The following UNC13C variants were observed in gnomAD, a reference collection of about 807,000 sequenced individuals.
UNC13C encodes unc-13 homolog C, also known as protein unc-13 homolog C.
Under a neutral mutation model 245.4 loss-of-function variants are expected in UNC13C, and 174 were observed. The ratio of observed to expected loss-of-function variants is 0.71; its 90% CI spans 0.63 to 0.80. The LOEUF is 0.80. Ranked by LOEUF, UNC13C falls within the 30% of genes least tolerant of loss-of-function variation. The pLI, the probability that UNC13C is intolerant of heterozygous loss-of-function variation, is 0.00. For missense variants in UNC13C, 2,829 were observed against 2,602.9 expected (o/e 1.09, Z -1.89); for synonymous variants, 992 against 895.1 (o/e 1.11, Z -1.93).
chr15:54,201,045 C>T (rs1213391672), intron 4 of UNC13C, among the ~76,000 whole-genome samples: 1 of 151,830 alleles, frequency 6.6e-6, no homozygotes, highest in East Asian at 1.9e-4. Context: ...CCTTTATGCA[C>T]ATAAACTAGA....
intron 19 of UNC13C, among the ~76,000 whole-genome samples, chr15:54,454,956 T>C (rs1438821803): frequency 6.6e-6 from 1 of 151,664 alleles, no homozygotes; most frequent in Non-Finnish European, 1.5e-5. Flanking sequence ...TAGTCTTTTA[T>C]CCCTTACCAC....
chr15:54,343,413 G>T (rs145646311), intron 17 of UNC13C, among the ~76,000 whole-genome samples: 17 of 151,892 alleles, frequency 1.1e-4, no homozygotes, highest in Non-Finnish European at 2.4e-4. Flanking sequence ...GATTACAGGC[G>T]TGAGCCACCG....
intron 19 of UNC13C, among the ~76,000 whole-genome samples, chr15:54,418,504 C>G (rs2040567404): frequency 1.3e-5 from 2 of 152,232 alleles, no homozygotes; most frequent in Admixed American, 1.3e-4. Flanking sequence ...CCTGTCTGCC[C>G]TGCCCCTTCT....
At chr15:54,598,384 C>T (rs534652518) in intron 30 of UNC13C, among the ~76,000 whole-genome samples, 40 of 152,320 alleles carry the variant, frequency 2.6e-4, no homozygotes, top group African/African-American at 8.4e-4. Flanking sequence ...CATGAGCCAC[C>T]GCGCCCAGCC....
intron 24 of UNC13C, among the ~76,000 whole-genome samples, chr15:54,524,994 C>T (rs143593962): frequency 2.1e-4 from 32 of 152,208 alleles, no homozygotes; most frequent in Admixed American, 3.3e-4. Context: ...TCAGGACTAT[C>T]GTCTCCAGAA....
At chr15:54,222,012 T>A (rs1325558537) in intron 4 of UNC13C, among the ~76,000 whole-genome samples, 1 of 152,044 alleles carries the variant, frequency 6.6e-6, no homozygotes, top group Non-Finnish European at 1.5e-5. Context: ...ATACATGACA[T>A]ATTTTGATAC....
At chr15:54,142,870 G>A in intron 2 of UNC13C, 148 bp from the exon 3 acceptor site, 1 of 659,548 alleles carries the variant, frequency 1.5e-6, no homozygotes, top group South Asian at 2.0e-5. Flanking sequence ...AACTATCCTT[G>A]TACCCTTGGG....
chr15:54,620,912 G>T (rs539316427), intron 30 of UNC13C, among the ~76,000 whole-genome samples: 2 of 152,234 alleles, frequency 1.3e-5, no homozygotes, highest in Admixed American at 1.3e-4. Context: ...TCTCCCTGGT[G>T]TTGGGGGGAG....
intron 19 of UNC13C, among the ~76,000 whole-genome samples, chr15:54,471,018 A>G (rs186179557): frequency 1.8e-4 from 27 of 151,496 alleles, no homozygotes; most frequent in African/African-American, 6.0e-4. Context: ...TTAATTTTAC[A>G]TAATTTTTCC....
intron 30 of UNC13C, among the ~76,000 whole-genome samples, chr15:54,608,242 C>G (rs527850775): frequency 1.3e-5 from 2 of 152,046 alleles, no homozygotes; most frequent in African/African-American, 2.4e-5. Context: ...AACAAAAAGA[C>G]GTAAAGGAAT....
Position 54,264,379 on chromosome 15 carries a change from A to C in UNC13C, c.3660A>C (p.Ala1220=). The C allele has an allele frequency of 2.5e-6, 4 of 1,593,986 alleles. No individual in the cohort carries two copies. The highest frequency in any genetic ancestry group is 2.6e-6 in the Non-Finnish European group (3 of 1,169,272). Reference sequence around the variant, plus strand: ...TGGATGGGACATCTAAGTGGTCTGCAAAAATAACCATTACAGGTAAAAATA... The same window carrying C: ...TGGATGGGACATCTAAGTGGTCTGCCAAAATAACCATTACAGGTAAAAATA... ...SVLDGTSKWS[A]KITITVVSAQ... The change falls in exon 9 of 33, where the codon GCA becomes GCC. Residue 1220 remains alanine (A), a synonymous_variant. Transcript: ENST00000260323.
At chr15:54,513,048 G>C (rs1033114802) in intron 24 of UNC13C, among the ~76,000 whole-genome samples, 2 of 152,078 alleles carry the variant, frequency 1.3e-5, no homozygotes, top group Admixed American at 6.6e-5. Flanking sequence ...ATAAAATAAG[G>C]CCTCATTCCC....
intron 4 of UNC13C, among the ~76,000 whole-genome samples, chr15:54,225,079 C>A (rs1240153072): frequency 2.0e-5 from 1 of 49,398 alleles, no homozygotes; most frequent in Non-Finnish European, 3.4e-5. Flanking sequence ...TTTTGTTTAT[C>A]TTTTCAATAG....
At chr15:54,342,819 A>T (rs1161050928) in intron 17 of UNC13C, among the ~76,000 whole-genome samples, 2 of 152,152 alleles carry the variant, frequency 1.3e-5, no homozygotes, top group African/African-American at 2.4e-5. Context: ...ATAAGAAAAC[A>T]AATTAAGCTG....
chr15:54,278,060 C>T (rs1310934775), intron 10 of UNC13C, among the ~76,000 whole-genome samples: 1 of 152,088 alleles, frequency 6.6e-6, no homozygotes, highest in Admixed American at 6.6e-5. Flanking sequence ...TCAAAAATAA[C>T]TCTTATGTCA....
intron 4 of UNC13C, among the ~76,000 whole-genome samples, chr15:54,205,675 A>G (rs2034685939): frequency 6.6e-6 from 1 of 151,916 alleles, no homozygotes; most frequent in South Asian, 2.1e-4. Context: ...CTACCATGGG[A>G]CTTGATGTTT....
chr15:54,128,600 A>G (rs960903970), intron 2 of UNC13C, among the ~76,000 whole-genome samples: 1 of 152,066 alleles, frequency 6.6e-6, no homozygotes, highest in Non-Finnish European at 1.5e-5. Context: ...AAGACTTTGG[A>G]TCTTATTAAA....
intron 16 of UNC13C, among the ~76,000 whole-genome samples, 188 bp from the exon 17 acceptor site, chr15:54,338,173 C>G (rs564661389): frequency 3.3e-5 from 5 of 152,130 alleles, no homozygotes; most frequent in Non-Finnish European, 5.9e-5. Context: ...CAGCCATTAT[C>G]ATTTTCAATA....
intron 1 of UNC13C, among the ~76,000 whole-genome samples, chr15:54,000,919 A>G (rs1423458643): frequency 6.6e-6 from 1 of 152,208 alleles, no homozygotes; most frequent in Non-Finnish European, 1.5e-5. Context: ...ATTTTTGGCC[A>G]AAATACTTCA....
Sources: allele counts gnomAD v4.1 joint callset (sites outside exome capture counted in the v4.1 genomes callset), GRCh38; gene constraint gnomAD v4.1.1; transcripts MANE v1.5; gene names NCBI Gene and HGNC (gene_info 2026-07-23, HGNC 2026-07-21).